GRIN2A: variants seen among roughly 807,000 people sequenced by gnomAD.
GRIN2A encodes glutamate ionotropic receptor NMDA type subunit 2A.
A neutral mutation model predicts 113.4 loss-of-function variants in GRIN2A; 22 were observed. That is an observed-to-expected ratio of 0.19 (90% confidence interval 0.14 to 0.28). GRIN2A has a LOEUF of 0.28. GRIN2A is among the 10% of genes least tolerant of loss of function. The probability of loss-of-function intolerance (pLI) is 1.00; values close to 1 mark genes in which losing one functional copy is unlikely to be tolerated. For synonymous variants in GRIN2A, 827 were observed against 738.4 expected (o/e 1.12, Z -1.94); for missense variants, 1,502 against 1,887.0 (o/e 0.80, Z 3.78).
At chr16:9,793,677 T>A (rs1902765961) in intron 11 of GRIN2A, among the ~76,000 whole-genome samples, 1 of 152,220 alleles carries the variant, frequency 6.6e-6, no homozygotes, top group African/African-American at 2.4e-5. Context: ...TTCTGTCCTT[T>A]ATTCTTAAAG....
intron 2 of GRIN2A, among the ~76,000 whole-genome samples, chr16:10,058,921 A>C (rs887977894): frequency 5.3e-5 from 8 of 152,274 alleles, no homozygotes; most frequent in African/African-American, 1.9e-4. Context: ...ATAGGCTGTG[A>C]TAACAATAGA....
At chr16:10,032,259 C>T (rs1457919685) in intron 2 of GRIN2A, among the ~76,000 whole-genome samples, 4 of 152,138 alleles carry the variant, frequency 2.6e-5, no homozygotes, top group African/African-American at 4.8e-5. Context: ...CCTTGGGTAA[C>T]GATGGCTATG....
intron 3 of GRIN2A, among the ~76,000 whole-genome samples, chr16:9,917,527 G>A (rs2044275605): frequency 6.6e-6 from 1 of 152,170 alleles, no homozygotes; most frequent in Non-Finnish European, 1.5e-5. Flanking sequence ...ACAGCTACTT[G>A]GAAAACTGGA....
At chr16:10,135,075 A>T (rs1405390423) in intron 2 of GRIN2A, among the ~76,000 whole-genome samples, 1 of 152,204 alleles carries the variant, frequency 6.6e-6, no homozygotes, top group Non-Finnish European at 1.5e-5. Flanking sequence ...TTTGCTTAAC[A>T]GTTCTTGCTT....
intron 3 of GRIN2A, among the ~76,000 whole-genome samples, chr16:9,929,839 A>G (rs2044548374): frequency 6.6e-6 from 1 of 152,166 alleles, no homozygotes; most frequent in African/African-American, 2.4e-5. Flanking sequence ...CATCTGGCCT[A>G]AGGCAAATGT....
rs1383574869 is a variant in GRIN2A at position 10,107,131 on chromosome 16, G to C, written c.414+72867C>G. Among the ~76,000 whole-genome samples the C allele has an allele frequency of 3.3e-5, 5 of 152,186 alleles. No individual in the cohort carries two copies. In the East Asian group the frequency reaches 9.6e-4, roughly 29 times the overall value. ...TGACTGGATTTCCTGCTGATTGAAG[G>C]AATGTTGAACCAAGCACATGTACTT... On this transcript the variant is annotated intron_variant, in intron 2 of 12. Coordinates refer to ENST00000330684, the MANE Select transcript of GRIN2A (RefSeq NM_001134407.3).
intron 5 of GRIN2A, among the ~76,000 whole-genome samples, chr16:9,846,112 A>C (rs899128108): frequency 1.3e-5 from 2 of 152,224 alleles, no homozygotes; most frequent in Non-Finnish European, 2.9e-5. Flanking sequence ...CCTGACCCCA[A>C]AACATGGTCT....
chr16:9,895,929 T>G (rs1333483880), intron 3 of GRIN2A, among the ~76,000 whole-genome samples: 1 of 152,214 alleles, frequency 6.6e-6, no homozygotes, highest in Admixed American at 6.5e-5. Flanking sequence ...TTTGGAAATA[T>G]CCAGTTTGTT....
intron 10 of GRIN2A, among the ~76,000 whole-genome samples, chr16:9,811,524 C>G (rs139611604): frequency 6.6e-6 from 1 of 152,038 alleles, no homozygotes; most frequent in African/African-American, 2.4e-5. Flanking sequence ...TTTGGGAGGC[C>G]GAGACAGGCG....
At chr16:9,815,695 G>A (rs1315734031) in intron 10 of GRIN2A, among the ~76,000 whole-genome samples, 1 of 152,188 alleles carries the variant, frequency 6.6e-6, no homozygotes, top group Non-Finnish European at 1.5e-5. Context: ...AAATGGGACT[G>A]TGGAAAACAG....
intron 2 of GRIN2A, among the ~76,000 whole-genome samples, chr16:10,093,775 T>C (rs2048231319): frequency 6.6e-6 from 1 of 152,214 alleles, no homozygotes; most frequent in Admixed American, 6.5e-5. Context: ...ACTTTGAGTT[T>C]GATCACGTGA....
chr16:9,815,779 CA>C (rs895820094), intron 10 of GRIN2A, among the ~76,000 whole-genome samples: 49 of 151,928 alleles, frequency 3.2e-4, no homozygotes, highest in Admixed American at 8.5e-4. Flanking sequence ...TATATACCAA[CA>C]AAAAAAACCA....
intron 2 of GRIN2A, among the ~76,000 whole-genome samples, chr16:9,952,153 G>A (rs1379883521): frequency 6.6e-6 from 1 of 152,126 alleles, no homozygotes; most frequent in Non-Finnish European, 1.5e-5. Context: ...CAGAAAGAAA[G>A]TCATGGAGCC....
chr16:10,044,082 C>T (rs1026898782), intron 2 of GRIN2A, among the ~76,000 whole-genome samples: 1 of 148,572 alleles, frequency 6.7e-6, no homozygotes, highest in African/African-American at 2.5e-5. Context: ...CAGAGAGTGC[C>T]TCACTCTGTA....
intron 2 of GRIN2A, among the ~76,000 whole-genome samples, chr16:9,942,934 A>T (rs1025003784): frequency 2.0e-5 from 3 of 152,172 alleles, no homozygotes; most frequent in Non-Finnish European, 4.4e-5. Flanking sequence ...GCAAAATATA[A>T]TTGCATAGCA....
intron 4 of GRIN2A, among the ~76,000 whole-genome samples, chr16:9,866,656 T>C (rs1483962343): frequency 1.3e-5 from 2 of 152,188 alleles, no homozygotes; most frequent in Non-Finnish European, 1.5e-5. Context: ...TAGTACTCCT[T>C]ACATATTTTG....
At chr16:9,812,678 AAAAT>A (rs1437199821) in intron 10 of GRIN2A, among the ~76,000 whole-genome samples, 1 of 151,888 alleles carries the variant, frequency 6.6e-6, no homozygotes, top group East Asian at 1.9e-4. Flanking sequence ...AATAAACAAT[AAAAT>A]AAATAAAAAC....
chr16:10,078,095 C>A (rs1045048462), intron 2 of GRIN2A, among the ~76,000 whole-genome samples: 2 of 152,196 alleles, frequency 1.3e-5, no homozygotes, highest in African/African-American at 2.4e-5. Flanking sequence ...CAGCACTCAT[C>A]CAGCTGTGCG....
chr16:9,813,030 T>G (rs2042115068), intron 10 of GRIN2A, among the ~76,000 whole-genome samples: 1 of 152,250 alleles, frequency 6.6e-6, no homozygotes, highest in East Asian at 1.9e-4. Flanking sequence ...CTCTTCATCG[T>G]ACAGAAGTGT....
Sources: gnomAD v4.1 joint callset for allele counts (sites outside exome capture counted in the v4.1 genomes callset) on GRCh38, gnomAD v4.1.1 for gene constraint, MANE v1.5 for transcripts, NCBI Gene and HGNC (gene_info 2026-07-23, HGNC 2026-07-21) for gene names.